The following ADGRF5 variants were observed in gnomAD, a reference collection of about 807,000 sequenced individuals.
ADGRF5 encodes adhesion G protein-coupled receptor F5.
A neutral mutation model predicts 132.3 loss-of-function variants in ADGRF5; 75 were observed. The ratio of observed to expected loss-of-function variants is 0.57; its 90% CI spans 0.47 to 0.69. The LOEUF (loss-of-function observed/expected upper bound fraction) is 0.69, where lower values mean the gene tolerates loss of function less well. Ranked by LOEUF, ADGRF5 falls within the 30% of genes least tolerant of loss-of-function variation. The pLI is 0.00. For synonymous variants in ADGRF5, 629 were observed against 597.6 expected, an observed-to-expected ratio of 1.05 and a Z score of -0.77; for missense variants, 1,516 against 1,630.6, an observed-to-expected ratio of 0.93 and a Z score of 1.21.
At chr6:46,854,771 C>T in intron 20 of ADGRF5, 2 of 1,286,928 alleles carry the variant, frequency 1.6e-6, no homozygotes, top group Non-Finnish European at 2.0e-6. Context: ...CTGGGGGGAT[C>T]TTAGGGGCTG....
intron 15 of ADGRF5, 134 bp from the exon 16 acceptor site, chr6:46,861,028 T>C (rs963645670): frequency 1.2e-5 from 8 of 640,630 alleles, no homozygotes; most frequent in Non-Finnish European, 2.1e-5. Context: ...ATATGTCCCA[T>C]AAGATGATGT....
chr6:46,860,916 CA>C (rs748784606), intron 15 of ADGRF5, 22 bp from the exon 16 acceptor site: 247 of 1,488,308 alleles, frequency 1.7e-4, no homozygotes, highest in South Asian at 4.9e-4. Context: ...AAAGCCAACA[CA>C]AAAAAAAATT....
intron 1 of ADGRF5, among the ~76,000 whole-genome samples, chr6:46,948,656 C>A (rs993481089): frequency 1.3e-5 from 2 of 152,224 alleles, no homozygotes; most frequent in Non-Finnish European, 1.5e-5. Flanking sequence ...CCAGAATTCA[C>A]TTCACAGTAC....
chr6:46,870,130 C>T (rs1770886434), intron 11 of ADGRF5, among the ~76,000 whole-genome samples: 1 of 151,870 alleles, frequency 6.6e-6, no homozygotes, highest in Admixed American at 6.6e-5. Context: ...CCTACTTACC[C>T]AGTCAGTGTG....
intron 1 of ADGRF5, among the ~76,000 whole-genome samples, chr6:46,932,510 G>T (rs9357519): frequency 0.54 from 81,905 of 151,908 alleles, 23,289 homozygotes; most frequent in East Asian, 0.63. Context: ...GGTTTTCTGT[G>T]CACATTAATG....
At position 46,899,309 on chromosome 6, in the gene ADGRF5, C is replaced by T. The variant is rs114265193; in HGVS notation, c.157+720G>A. Among the ~76,000 whole-genome samples, 97 of 152,078 alleles carry T rather than the reference C, an allele frequency of 6.4e-4. No homozygotes were observed. In the Middle Eastern group the frequency reaches 0.014, roughly 21 times the overall value. ...ACAAGCAGAGGATTGGCTTTTAGTT[C>T]CAAGGCCAAGGGAGCCCATGAAGAG... On this transcript the variant is annotated intron_variant, in intron 3 of 20. Coordinates refer to ENST00000283296, the MANE Select transcript of ADGRF5 (RefSeq NM_001098518.2).
chr6:46,900,469 G>A (rs753447160), intron 2 of ADGRF5, among the ~76,000 whole-genome samples: 5 of 152,072 alleles, frequency 3.3e-5, no homozygotes, highest in African/African-American at 9.7e-5. Flanking sequence ...CAAGTCTCAC[G>A]ACCTCCTTCT....
chr6:46,865,992 T>A (rs1039992286), intron 13 of ADGRF5, among the ~76,000 whole-genome samples: 4 of 36,650 alleles, frequency 1.1e-4, no homozygotes, highest in Admixed American at 3.5e-4. Flanking sequence ...CATGAAGTTG[T>A]CTGTGTTTTG....
chr6:46,883,497 C>T, intron 6 of ADGRF5, 62 bp downstream of exon 6: 1 of 789,032 alleles, frequency 1.3e-6, no homozygotes, highest in Non-Finnish European at 2.2e-6. Context: ...ATTGTGAATG[C>T]AATAGACTCA....
chr6:46,945,424 G>T (rs6903275), intron 1 of ADGRF5, among the ~76,000 whole-genome samples: 54 of 152,266 alleles, frequency 3.5e-4, no homozygotes, highest in African/African-American at 1.3e-3. Context: ...ACACTTTTGC[G>T]TTCCTAACTC....
intron 16 of ADGRF5, among the ~76,000 whole-genome samples, chr6:46,859,999 T>C (rs1161073309): frequency 1.3e-5 from 2 of 152,140 alleles, no homozygotes; most frequent in Non-Finnish European, 2.9e-5. Context: ...GGAGAATTGC[T>C]TGGACCTGGG....
exon 1 of ADGRF5, chr6:46,954,782 T>C (rs1287809895): frequency 6.6e-6 from 1 of 152,234 alleles, no homozygotes; most frequent in South Asian, 2.1e-4. Flanking sequence ...ACCTTACTGC[T>C]GATCTGCCCA....
intron 2 of ADGRF5, 35 bp from the exon 3 acceptor site, chr6:46,900,118 G>T (rs375541164): frequency 6.6e-7 from 1 of 1,506,050 alleles, no homozygotes; most frequent in Admixed American, 1.7e-5. Flanking sequence ...GTCAATTAAC[G>T]TTAGAGAAGT....
intron 20 of ADGRF5, among the ~76,000 whole-genome samples, chr6:46,855,372 T>C (rs1768926967): frequency 6.6e-6 from 1 of 152,208 alleles, no homozygotes; most frequent in African/African-American, 2.4e-5. Flanking sequence ...CTTACAACTC[T>C]ATGAAGTCAT....
chr6:46,887,080 T>C (rs1263940011), intron 4 of ADGRF5: 1 of 152,218 alleles, frequency 6.6e-6, no homozygotes, highest in Non-Finnish European at 1.5e-5. Flanking sequence ...TTTGTTAGTA[T>C]GTTTATATTG....
At chr6:46,924,724 A>G (rs562652490), upstream of ADGRF5, among the ~76,000 whole-genome samples, 1 of 152,258 alleles carries the variant, frequency 6.6e-6, no homozygotes, top group Admixed American at 6.5e-5. Context: ...CTCCCAAACT[A>G]GCTATACCAT....
At chr6:46,900,252 A>G (rs1228262246) in intron 2 of ADGRF5, among the ~76,000 whole-genome samples, 169 bp from the exon 3 acceptor site, 2 of 152,196 alleles carry the variant, frequency 1.3e-5, no homozygotes, top group Non-Finnish European at 2.9e-5. Context: ...ATGGTTTGGA[A>G]GACAAAGTGG....
chr6:46,918,310 C>T (rs1015293403), intron 1 of ADGRF5, among the ~76,000 whole-genome samples: 3 of 152,144 alleles, frequency 2.0e-5, no homozygotes, highest in East Asian at 3.8e-4. Context: ...GCCCGGTAGT[C>T]CTCTCTATCA....
intron 6 of ADGRF5, among the ~76,000 whole-genome samples, chr6:46,882,631 T>C (rs1216996275): frequency 1.3e-5 from 2 of 152,238 alleles, no homozygotes; most frequent in African/African-American, 4.8e-5. Context: ...ATGGCTGCCA[T>C]ACTGCAGGAT....
Sources: allele counts gnomAD v4.1 joint callset (sites outside exome capture counted in the v4.1 genomes callset), GRCh38; gene constraint gnomAD v4.1.1; transcripts MANE v1.5; gene names NCBI Gene and HGNC (gene_info 2026-07-23, HGNC 2026-07-21).